The following DMD variants were observed in gnomAD, a reference collection of about 807,000 sequenced individuals.
The protein encoded by DMD is dystrophin, also known as mutant dystrophin.
DMD carries 63 observed loss-of-function variants against 330.1 expected under a neutral mutation model. The observed-to-expected ratio is 0.19, with a 90% CI of 0.16 to 0.24. DMD has a LOEUF of 0.24. DMD is among the 10% of genes least tolerant of loss of function. DMD has a pLI of 1.00. For synonymous variants in DMD, 1,223 were observed against 959.8 expected, an observed-to-expected ratio of 1.27 and a Z score of -5.07; for missense variants, 3,344 against 2,684.1, an observed-to-expected ratio of 1.25 and a Z score of -5.43.
intron 1 of DMD, among the ~76,000 whole-genome samples, chrX:33,068,299 T>C (rs887093610): frequency 1.8e-5 from 2 of 111,846 alleles, no homozygotes; most frequent in Non-Finnish European, 3.8e-5. Context: ...AAGGTAGTGA[T>C]TAATTGATCT....
intron 2 of DMD, among the ~76,000 whole-genome samples, chrX:33,015,433 G>C (rs2093782617): frequency 9.0e-6 from 1 of 111,094 alleles, no homozygotes; most frequent in Non-Finnish European, 1.9e-5. Context: ...AGTACTGCAT[G>C]TTCTCACTTA....
chrX:31,433,551 T>C (rs928506709), intron 60 of DMD, among the ~76,000 whole-genome samples: 3 of 108,158 alleles, frequency 2.8e-5, no homozygotes, highest in African/African-American at 1.0e-4. Flanking sequence ...CCGCCTCCTA[T>C]GTTCAAGTGG....
At chrX:33,036,285 A>G (rs923137081) in intron 1 of DMD, among the ~76,000 whole-genome samples, 8 of 111,969 alleles carry the variant, frequency 7.1e-5, no homozygotes, top group Non-Finnish European at 1.3e-4. Context: ...AAAGTTTGAT[A>G]TATTTCCTTT....
intron 48 of DMD, among the ~76,000 whole-genome samples, chrX:31,861,975 A>ACC (rs1556950668): frequency 3.7e-5 from 4 of 108,081 alleles, no homozygotes; most frequent in Non-Finnish European, 5.8e-5. Context: ...ACACACACAC[A>ACC]CCTACATCCT....
At position 32,644,187 on chromosome X, in the gene DMD, G is replaced by A. The variant is rs776526314; in HGVS notation, c.1276C>T (p.Leu426Phe). The A allele has an allele frequency of 8.3e-7, 1 of 1,209,837 alleles. No individual in the cohort carries two copies. The highest frequency in any genetic ancestry group is 1.1e-6 in the Non-Finnish European group (1 of 894,129). The part of the protein sequence containing the change: ...EETEVQEQMN[L>F]LNSRWECLRV... ...AGGCATTCCCATCTTGAATTTAGGA[G>A]ATTCATCTGCTCTTGTACTTCAGTT... The change falls in exon 11 of 79, where the codon CTC (leucine) becomes TTC (phenylalanine). Residue 426 changes from leucine (L) to phenylalanine (F), a missense_variant. By Grantham distance (22) the Leu-to-Phe change is conservative. Transcript: ENST00000357033.
At chrX:32,891,246 A>G (rs2085171339) in intron 2 of DMD, among the ~76,000 whole-genome samples, 1 of 111,789 alleles carries the variant, frequency 8.9e-6, no homozygotes, top group Admixed American at 9.5e-5. Context: ...CATACACACC[A>G]GTCTGTGTAT....
At chrX:32,551,838 T>C (rs1447206455) in intron 16 of DMD, among the ~76,000 whole-genome samples, 3 of 111,524 alleles carry the variant, frequency 2.7e-5, no homozygotes, top group East Asian at 5.7e-4. Flanking sequence ...ACCAACAACA[T>C]TTAAGCTAAG....
chrX:32,040,831 T>A (rs1411043712), intron 44 of DMD, among the ~76,000 whole-genome samples: 1 of 111,167 alleles, frequency 9.0e-6, no homozygotes, highest in African/African-American at 3.3e-5. Flanking sequence ...CATGCAGTGT[T>A]AAACTCAAGA....
chrX:32,206,098 C>A (rs1195625137), intron 44 of DMD: 1 of 518,161 alleles, frequency 1.9e-6, no homozygotes, highest in Admixed American at 2.3e-5. Flanking sequence ...AAAGGCAGTC[C>A]AATTAAAGTA....
intron 44 of DMD, among the ~76,000 whole-genome samples, chrX:32,018,702 A>G (rs2095785448): frequency 8.9e-6 from 1 of 112,028 alleles, no homozygotes; most frequent in Admixed American, 9.5e-5. Flanking sequence ...CGCCTGTTTC[A>G]TAGACACAGG....
At chrX:32,532,459 G>A (rs2047573399) in intron 17 of DMD, among the ~76,000 whole-genome samples, 1 of 112,331 alleles carries the variant, frequency 8.9e-6, no homozygotes, top group Admixed American at 9.5e-5. Context: ...CCCTAAGCTA[G>A]GCTGTCTGGG....
intron 2 of DMD, among the ~76,000 whole-genome samples, chrX:32,857,416 T>C (rs1171122107): frequency 8.9e-6 from 1 of 112,111 alleles, no homozygotes; most frequent in Non-Finnish European, 1.9e-5. Context: ...TAATAATTTG[T>C]TTTTCAAATT....
intron 1 of DMD, among the ~76,000 whole-genome samples, chrX:33,207,353 A>G (rs766566234): frequency 9.0e-6 from 1 of 111,251 alleles, no homozygotes; most frequent in Non-Finnish European, 1.9e-5. Context: ...ATATGAGGGA[A>G]ACAGACTTTT....
chrX:33,226,794 CT>C (rs746837972), intron 1 of DMD, among the ~76,000 whole-genome samples: 7 of 106,876 alleles, frequency 6.5e-5, no homozygotes, highest in South Asian at 4.0e-4. Flanking sequence ...ATCTATCTAT[CT>C]TTTTTTTTTA....
chrX:31,172,390 T>A lies in DMD; in HGVS notation c.10352A>T (p.Asn3451Ile). ...GATGCTATCATTTAGATAAGATCCATTGCTGTTTTCCATTTCTGCTAGCCT... is the reference window on the plus strand; with the variant it reads ...GATGCTATCATTTAGATAAGATCCAATGCTGTTTTCCATTTCTGCTAGCCT... Reference protein sequence around the residue: ...ASRLAEMENSNGSYLNDSISP... With the variant: ...ASRLAEMENSIGSYLNDSISP... Residue 3451 changes from asparagine to isoleucine, a missense_variant, in exon 73 of 79, where the codon AAT (asparagine) becomes ATT (isoleucine). By Grantham distance (149) the Asn-to-Ile change is moderately radical. Transcript: ENST00000357033. The A allele has an allele frequency of 2.5e-6, 3 of 1,200,755 alleles. No individual in the cohort carries two copies. The highest frequency in any genetic ancestry group is 3.4e-6 in the Non-Finnish European group (3 of 885,865).
At chrX:31,749,822 T>G (rs1401578044) in intron 51 of DMD, among the ~76,000 whole-genome samples, 87 of 106,276 alleles carry the variant, frequency 8.2e-4, no homozygotes, top group East Asian at 3.0e-3. Flanking sequence ...CCTGACTTTT[T>G]AATGATTGCC....
At chrX:32,640,186 G>T (rs2059360663) in intron 11 of DMD, among the ~76,000 whole-genome samples, 1 of 108,810 alleles carries the variant, frequency 9.2e-6, no homozygotes, top group South Asian at 4.0e-4. Flanking sequence ...ATAGTTAACT[G>T]ACAGCTCATC....
chrX:33,260,710 T>C (rs1158536681), intron 1 of DMD, among the ~76,000 whole-genome samples: 2 of 111,667 alleles, frequency 1.8e-5, no homozygotes, highest in Admixed American at 1.9e-4. Flanking sequence ...TAATTTACTA[T>C]TACACATTCT....
intron 1 of DMD, among the ~76,000 whole-genome samples, chrX:33,228,157 C>T (rs1050056588): frequency 9.0e-6 from 1 of 110,542 alleles, no homozygotes; most frequent in East Asian, 2.8e-4. Flanking sequence ...TTTATATTTC[C>T]TTAAACATTT....
Sources: gnomAD v4.1 joint callset for allele counts (sites outside exome capture counted in the v4.1 genomes callset) on GRCh38, gnomAD v4.1.1 for gene constraint, MANE v1.5 for transcripts, NCBI Gene and HGNC (gene_info 2026-07-23, HGNC 2026-07-21) for gene names.